The following GIGYF2 variants were observed in gnomAD, a reference collection of about 807,000 sequenced individuals.
The protein encoded by GIGYF2 is GRB10 interacting GYF protein 2.
GIGYF2 carries 25 observed loss-of-function variants against 208.1 expected under a neutral mutation model. The observed-to-expected ratio is 0.12, with a 90% CI of 0.09 to 0.17. GIGYF2 has a LOEUF of 0.17. GIGYF2 is among the 10% of genes least tolerant of loss of function. The pLI, the probability that GIGYF2 is intolerant of heterozygous loss-of-function variation, is 1.00. For synonymous variants in GIGYF2, 534 were observed against 543.8 expected (o/e 0.98, Z 0.25); for missense variants, 1,302 against 1,579.4 (o/e 0.82, Z 2.98).
intron 2 of GIGYF2, among the ~76,000 whole-genome samples, chr2:232,707,637 ATTT>A (rs35807853): frequency 1.5e-5 from 2 of 135,430 alleles, no homozygotes; most frequent in African/African-American, 2.7e-5. Context: ...TACCATTGGG[ATTT>A]TTTTTTTTTT....
intron 9 of GIGYF2, among the ~76,000 whole-genome samples, chr2:232,789,345 G>A (rs578070139): frequency 6.6e-6 from 1 of 152,134 alleles, no homozygotes; most frequent in Non-Finnish European, 1.5e-5. Flanking sequence ...CATGAGCCAG[G>A]TACCTAGAAG....
chr2:232,770,780 C>G, intron 8 of GIGYF2: 2 of 706,648 alleles, frequency 2.8e-6, no homozygotes, highest in Non-Finnish European at 4.8e-6. Context: ...TACCTGCTAT[C>G]AATATAGATA....
intron 16 of GIGYF2, chr2:232,810,691 G>T (rs1700707802): frequency 6.3e-6 from 1 of 159,262 alleles, no homozygotes; most frequent in Non-Finnish European, 1.4e-5. Context: ...GAATTGAGTA[G>T]TTGCAACAGA....
At chr2:232,849,582 C>T (rs1690226215) in intron 27 of GIGYF2, among the ~76,000 whole-genome samples, 1 of 152,172 alleles carries the variant, frequency 6.6e-6, no homozygotes, top group South Asian at 2.1e-4. Context: ...AGCACGTGCA[C>T]CCATGGGCGC....
At chr2:232,811,210 T>C in intron 16 of GIGYF2, 34 bp from the exon 17 acceptor site, 1 of 1,149,016 alleles carries the variant, frequency 8.7e-7, no homozygotes, top group African/African-American at 1.5e-5. Flanking sequence ...AAGTGTGGAT[T>C]GACAGGTTAT....
intron 9 of GIGYF2, among the ~76,000 whole-genome samples, chr2:232,789,677 C>T (rs1307585132): frequency 6.6e-6 from 1 of 151,896 alleles, no homozygotes; most frequent in Non-Finnish European, 1.5e-5. Context: ...CAAAGTTTGT[C>T]TCAATAGTGA....
chr2:232,743,342 A>G (rs572913004), intron 3 of GIGYF2, among the ~76,000 whole-genome samples: 1 of 152,366 alleles, frequency 6.6e-6, no homozygotes, highest in East Asian at 1.9e-4. Flanking sequence ...AGATATGTTT[A>G]GAGACAGACG....
At chr2:232,754,912 T>C (rs1197530220) in intron 5 of GIGYF2, among the ~76,000 whole-genome samples, 2 of 152,078 alleles carry the variant, frequency 1.3e-5, no homozygotes, top group Non-Finnish European at 2.9e-5. Flanking sequence ...TTATTTACAC[T>C]GATAAAGTTC....
chr2:232,787,335 A>T lies in GIGYF2; in HGVS notation c.712+6A>T. The T allele has an allele frequency of 6.2e-7, 1 of 1,612,832 alleles. No individual in the cohort carries two copies. On this transcript the variant is annotated splice_donor_region_variant and intron_variant, in intron 9 of 28. Coordinates refer to ENST00000373563, the MANE Select transcript of GIGYF2 (RefSeq NM_001103146.3). ...GTGGCGACCTCACAGTCCTGGTAAG[A>T]ATTCTGTTGAGTAAAGGCACACAGG...
At chr2:232,777,005 A>G (rs1699541791) in intron 8 of GIGYF2, among the ~76,000 whole-genome samples, 1 of 151,284 alleles carries the variant, frequency 6.6e-6, no homozygotes. Flanking sequence ...TAATGCATTG[A>G]TTTTCTTAGT....
rs531316281 is a variant in GIGYF2 at position 232,794,839 on chromosome 2, T to C, written c.1374T>C (p.Pro458=). The C allele has an allele frequency of 1.9e-6, 3 of 1,613,752 alleles. No individual in the cohort carries two copies. Among genetic ancestry groups the C allele is most frequent in the East Asian group, 4.5e-5 (2 of 44,876 alleles). ...LLILPPPVPN[P]SPTLRPVETP... is the part of the protein sequence containing the mutation. ...TACTTCCACCTCCTGTTCCCAATCC[T>C]AGTCCTACTCTCCGGCCAGTTGAAA... The change falls in exon 13 of 29, where the codon CCT becomes CCC. Residue 458 remains proline (P), a synonymous_variant. Coordinates refer to ENST00000373563, the MANE Select transcript of GIGYF2 (RefSeq NM_001103146.3).
chr2:232,728,402 AG>A (rs1183497907), intron 2 of GIGYF2, among the ~76,000 whole-genome samples: 2 of 152,234 alleles, frequency 1.3e-5, no homozygotes, highest in Non-Finnish European at 2.9e-5. Flanking sequence ...AGAATAATCC[AG>A]ACATGCATTA....
chr2:232,729,623 A>G (rs1559387740), intron 2 of GIGYF2: 20 of 1,166,726 alleles, frequency 1.7e-5, no homozygotes, highest in Non-Finnish European at 2.3e-5. Flanking sequence ...ATCATCTTCA[A>G]CTTCACAACG....
At chr2:232,707,375 T>C (rs1014941192) in intron 2 of GIGYF2, among the ~76,000 whole-genome samples, 1 of 152,206 alleles carries the variant, frequency 6.6e-6, no homozygotes, top group Admixed American at 6.5e-5. Flanking sequence ...AACAAGAATT[T>C]GGTTGTACAG....
At chr2:232,788,817 ATATT>A (rs1003518055) in intron 9 of GIGYF2, among the ~76,000 whole-genome samples, 1 of 152,078 alleles carries the variant, frequency 6.6e-6, no homozygotes, top group African/African-American at 2.4e-5. Context: ...ATATACATAT[ATATT>A]TTTTCAGTCA....
intron 2 of GIGYF2, among the ~76,000 whole-genome samples, chr2:232,723,942 T>TGGCC (rs1697066800): frequency 6.6e-6 from 1 of 151,170 alleles, no homozygotes. Context: ...TTCTCCATGT[T>TGGCC]AGGCTGGTCT....
intron 8 of GIGYF2, among the ~76,000 whole-genome samples, chr2:232,775,927 A>G (rs1399498850): frequency 1.3e-5 from 2 of 152,230 alleles, no homozygotes; most frequent in Admixed American, 6.5e-5. Flanking sequence ...ACCCTGTTAT[A>G]TAAGCTCAGA....
rs201367081 is a variant in GIGYF2 at position 232,840,324 on chromosome 2, C to A, written c.2889+353C>A. ...TCTAGAAAGCAGAATATGTTTTTCT[C>A]TAAAGACACTGGGTTCCCTGACTAG... is the stretch of plus-strand genomic sequence containing the variant. On this transcript the variant is annotated intron_variant, in intron 23 of 28. Coordinates refer to ENST00000373563, the MANE Select transcript of GIGYF2 (RefSeq NM_001103146.3). 5.9e-5 allele frequency among the ~76,000 whole-genome samples: 9 copies of A among 152,250 alleles called. No individual in the cohort carries two copies. In the East Asian group the frequency reaches 1.4e-3, roughly 23 times the overall value.
rs533674932 is a variant in GIGYF2 at position 232,778,214 on chromosome 2, G to A, written c.533-8936G>A. Among the ~76,000 whole-genome samples, 75 of 152,248 alleles carry A rather than the reference G, an allele frequency of 4.9e-4. No individual in the cohort carries two copies. The South Asian group carries it at 5.4e-3, about 11-fold the overall frequency. The stretch of plus-strand genomic sequence containing the variant: ...GCCTCCCAAATTCCTGGGATTACAG[G>A]CATGAGCCACTTCACCTGGCCTGAG... On this transcript the variant is annotated intron_variant, in intron 8 of 28. Transcript: ENST00000373563.
Sources: gnomAD v4.1 joint callset for allele counts (sites outside exome capture counted in the v4.1 genomes callset) on GRCh38, gnomAD v4.1.1 for gene constraint, MANE v1.5 for transcripts, NCBI Gene and HGNC (gene_info 2026-07-23, HGNC 2026-07-21) for gene names.